Variants in PRSS57 observed in about 807,000 individuals in gnomAD.
PRSS57 encodes neutrophil serine protease 4.
PRSS57 carries 19 observed loss-of-function variants against 20.6 expected under a neutral mutation model. The observed-to-expected ratio is 0.92, with a 90% CI of 0.64 to 1.35. The LOEUF is 1.35. PRSS57 is among the 40% of genes most tolerant of loss of function. The pLI is 0.00. For missense variants in PRSS57, 440 were observed against 403.7 expected, an observed-to-expected ratio of 1.09 and a Z score of -0.77; for synonymous variants, 203 against 176.6, an observed-to-expected ratio of 1.15 and a Z score of -1.19.
rs2031486495 is a variant in PRSS57, at chr19:686,848, C to T, written c.642+77G>A. On this transcript the variant is annotated intron_variant, in intron 4 of 4. Coordinates refer to ENST00000329267, the MANE Select transcript of PRSS57 (RefSeq NM_001308209.2). The stretch of plus-strand genomic sequence containing the variant: ...ATCAATGGGACTCAGTTCCCAAGGC[C>T]CTTCCTGGCCCTGACCCTCTCTGTG... 11 of 1,519,882 alleles carry T rather than the reference C, an allele frequency of 7.2e-6. No individual in the cohort carries two copies. The South Asian group carries it at 1.3e-4, about 18-fold the overall frequency. 94.1% of individuals were successfully genotyped at this position (1,519,882 alleles called of 1,614,324 possible).
At chr19:689,499 CAGAA>C (rs2031578897) in intron 3 of PRSS57, among the ~76,000 whole-genome samples, 4 of 151,964 alleles carry the variant, frequency 2.6e-5, no homozygotes, top group Admixed American at 2.6e-4. Context: ...GGCCTCGAGT[CAGAA>C]AGGTGACAGG....
chr19:691,482 G>A (rs1281743164), intron 3 of PRSS57, among the ~76,000 whole-genome samples: 1 of 147,884 alleles, frequency 6.8e-6, no homozygotes, highest in East Asian at 2.0e-4. Context: ...TCCAGCCCCC[G>A]TGACAGTTCG....
At chr19:689,165 G>A (rs570835225) in intron 3 of PRSS57, among the ~76,000 whole-genome samples, 4,776 of 113,562 alleles carry the variant, frequency 0.042, 843 homozygotes, top group African/African-American at 0.096. Flanking sequence ...GGTGGTCCAG[G>A]GGTTAGCAGG....
chr19:689,989 G>T (rs1308602002), intron 3 of PRSS57, among the ~76,000 whole-genome samples: 2 of 151,784 alleles, frequency 1.3e-5, no homozygotes, highest in Non-Finnish European at 2.9e-5. Flanking sequence ...GGAGATGGAG[G>T]TTGCAGTGAG....
chr19:692,029 C>CGGG, intron 2 of PRSS57, 27 bp from the exon 3 acceptor site: 1 of 1,301,044 alleles, frequency 7.7e-7, no homozygotes, highest in Non-Finnish European at 9.8e-7. Flanking sequence ...GTGGGTGAGA[C>CGGG]GGGGGTGAGG....
chr19:689,032 C>T (rs532076166), intron 3 of PRSS57, among the ~76,000 whole-genome samples: 7 of 152,186 alleles, frequency 4.6e-5, no homozygotes, highest in African/African-American at 9.6e-5. Context: ...AATCCCTGCC[C>T]GTTAGGTTCA....
At chr19:689,867 A>C (rs2031589718) in intron 3 of PRSS57, among the ~76,000 whole-genome samples, 1 of 152,228 alleles carries the variant, frequency 6.6e-6, no homozygotes, top group South Asian at 2.1e-4. Flanking sequence ...AGCCTGGCCA[A>C]CATGGTGAAA....
chr19:688,944 G>T (rs937536235), intron 3 of PRSS57, among the ~76,000 whole-genome samples: 1 of 152,164 alleles, frequency 6.6e-6, no homozygotes, highest in East Asian at 1.9e-4. Context: ...GCAGGGGCCC[G>T]AGAGGCACAT....
At chr19:690,088 G>A (rs989780172) in intron 3 of PRSS57, among the ~76,000 whole-genome samples, 10 of 151,198 alleles carry the variant, frequency 6.6e-5, no homozygotes, top group South Asian at 4.2e-4. Context: ...AGAGGTGGGC[G>A]GATCACGAGG....
intron 3 of PRSS57, among the ~76,000 whole-genome samples, chr19:688,518 G>C (rs569094226): frequency 6.7e-6 from 1 of 149,156 alleles, no homozygotes; most frequent in South Asian, 2.1e-4. Context: ...GTCGTCCCTC[G>C]AGCAGGAGGG....
intron 2 of PRSS57, 74 bp downstream of exon 2, chr19:694,740 C>A: frequency 6.8e-7 from 1 of 1,480,482 alleles, no homozygotes; most frequent in Non-Finnish European, 9.0e-7. Flanking sequence ...GCCCCCAGCT[C>A]CCCCACCAGC....
chr19:694,162 T>C, intron 2 of PRSS57, among the ~76,000 whole-genome samples: 1 of 151,612 alleles, frequency 6.6e-6, no homozygotes, highest in South Asian at 2.1e-4. Flanking sequence ...GCGGGGGAGC[T>C]GGGGACACTG....
chr19:692,025 G>A, intron 2 of PRSS57, 23 bp from the exon 3 acceptor site: 1 of 1,304,160 alleles, frequency 7.7e-7, no homozygotes, highest in Non-Finnish European at 9.8e-7. Context: ...GGTGGTGGGT[G>A]AGACGGGGGT....
At chr19:691,547 C>T (rs2031646248) in intron 3 of PRSS57, among the ~76,000 whole-genome samples, 1 of 150,626 alleles carries the variant, frequency 6.6e-6, no homozygotes, top group Non-Finnish European at 1.5e-5. Context: ...AGGCCGGGCT[C>T]GGTGGCTCAC....
At chr19:695,217 G>T in intron 1 of PRSS57, 135 bp downstream of exon 1, 1 of 482,780 alleles carries the variant, frequency 2.1e-6, no homozygotes, top group Non-Finnish European at 3.4e-6. Flanking sequence ...TTCCAGCAGA[G>T]GCAGCCACGG....
At chr19:689,791 C>T (rs59590030) in intron 3 of PRSS57, among the ~76,000 whole-genome samples, 25,687 of 152,098 alleles carry the variant, frequency 0.17, 2,309 homozygotes, top group African/African-American at 0.21. Flanking sequence ...CAGTGGTACA[C>T]GCCCGTGATC....
rs181553974 is a variant in PRSS57, at chr19:693,802, C to T, written c.233+1012G>A. Among the ~76,000 whole-genome samples the T allele has an allele frequency of 5.1e-3, 771 of 152,144 alleles. 4 individuals carry two copies. Among genetic ancestry groups the T allele is most frequent in the African/African-American group, 0.018 (737 of 41,498 alleles). On this transcript the variant is annotated intron_variant, in intron 2 of 4. Transcript: ENST00000329267. ...TCCCCCAGGCTGGAGTGCAGTGGCG[C>T]GATCTCGGCTCACTGAAAGCGCCGC...
rs1160679912 is a variant in PRSS57, at chr19:687,116, TG to T, written c.450del (p.Thr151GlnfsTer24). 4 of 1,611,622 alleles carry T rather than the reference TG, an allele frequency of 2.5e-6. No homozygotes were observed. The African/African-American group carries it at 4.0e-5, about 16-fold the overall frequency. On this transcript the variant is annotated frameshift_variant, in exon 4 of 5. Coordinates refer to ENST00000329267, the MANE Select transcript of PRSS57 (RefSeq NM_001308209.2). LOFTEE classifies it high-confidence loss of function. Reference sequence around the variant, plus strand: ...GCCACCCGGCACCGTGTCCCCGCTGTGGGGGGCCTGGCCCTTCTCCCTGGCG... The same window carrying T: ...GCCACCCGGCACCGTGTCCCCGCTGTGGGGGCCTGGCCCTTCTCCCTGGCG... The part of the protein sequence containing the change: ...LRPPGRRARP[P>X]TAGTRCRVAG...
At chr19:695,090 A>G in intron 1 of PRSS57, 123 bp from the exon 2 acceptor site, 3 of 980,926 alleles carry the variant, frequency 3.1e-6, no homozygotes, top group Non-Finnish European at 2.8e-6. Flanking sequence ...AGACGGAGAG[A>G]CCCAGAGAGC....
Sources: allele counts gnomAD v4.1 joint callset (sites outside exome capture counted in the v4.1 genomes callset), GRCh38; gene constraint gnomAD v4.1.1; transcripts MANE v1.5; gene names NCBI Gene and HGNC (gene_info 2026-07-23, HGNC 2026-07-21).